RASAL1: variants seen among roughly 807,000 people sequenced by gnomAD.
The protein encoded by RASAL1 is rasGAP-activating-like protein 1.
In RASAL1, 72 loss-of-function variants were observed where a neutral mutation model predicts 96.6. That is an observed-to-expected ratio of 0.75 (90% CI 0.62 to 0.91). The LOEUF is 0.91. RASAL1 is among the 40% of genes least tolerant of loss of function. The pLI, the probability that RASAL1 is intolerant of heterozygous loss-of-function variation, is 0.00. For missense variants in RASAL1, 1,016 were observed against 1,072.5 expected (o/e 0.95, Z 0.74); for synonymous variants, 405 against 430.4 (o/e 0.94, Z 0.73).
chr12:113,129,604 G>A lies in RASAL1; in HGVS notation c.122+1281C>T, dbSNP rs867457798. On this transcript the variant is annotated intron_variant, in intron 2 of 20. Coordinates refer to ENST00000548055, the MANE Select transcript of RASAL1 (RefSeq NM_001301202.2). This position sits in a 1 kb window ranked among gnomAD's most constrained non-coding sequence, Gnocchi z 5.0. Reference sequence around the variant, plus strand: ...AGCAGAGAACAGATTCTACTTGCCCGGTAAAGACACACCCACATTTGTGGA... The same window carrying A: ...AGCAGAGAACAGATTCTACTTGCCCAGTAAAGACACACCCACATTTGTGGA... 6.6e-6 allele frequency among the ~76,000 whole-genome samples: 1 copy of A among 152,168 alleles called. No homozygotes were observed. Among genetic ancestry groups the A allele is most frequent in the African/African-American group, 2.4e-5 (1 of 41,432 alleles).
Position 113,099,838 on chromosome 12 carries a change from G to T in RASAL1, c.*91C>A, listed in dbSNP as rs1950377262. The T allele has an allele frequency of 6.6e-7, 1 of 1,509,216 alleles. No individual in the cohort carries two copies. The highest frequency in any genetic ancestry group is 8.9e-7 in the Non-Finnish European group (1 of 1,120,364). 93.5% of individuals were successfully genotyped at this position (1,509,216 alleles called of 1,614,324 possible). On this transcript the variant is annotated 3_prime_UTR_variant, in exon 21 of 21. Transcript: ENST00000548055. ...GCCTCCAAACCACAGAATCAAAGAG[G>T]TCCAAGGAGACAGGAGACTCCCGGG...
intron 5 of RASAL1, 82 bp downstream of exon 5, chr12:113,121,427 A>C: frequency 6.3e-7 from 1 of 1,581,086 alleles, no homozygotes; most frequent in African/African-American, 1.3e-5. Context: ...AGGAGGTCCC[A>C]AACGCCAGGC....
chr12:113,114,452 T>C lies in RASAL1; in HGVS notation c.1181+348A>G, dbSNP rs547566197. 7.1e-5 allele frequency among the ~76,000 whole-genome samples: 10 copies of C among 141,374 alleles called. 1 individual carries two copies. In the South Asian group the frequency reaches 2.0e-3, roughly 28 times the overall value. The allele number at this position is 141,374 out of a possible 152,430, so 92.7% of individuals were successfully genotyped here. ...TCACACCACTGCACCCCAGCCTGGG[T>C]GACAGAGTAAAACCTTGTCTCAAAA... On this transcript the variant is annotated intron_variant, in intron 12 of 20. Transcript: ENST00000548055.
At chr12:113,134,015 G>A in intron 1 of RASAL1, among the ~76,000 whole-genome samples, 1 of 152,186 alleles carries the variant, frequency 6.6e-6, no homozygotes, top group East Asian at 1.9e-4. Context: ...CAGTGAGTGA[G>A]AACCCCGTTT....
At chr12:113,119,078 C>A (rs1377820572) in intron 7 of RASAL1, 50 bp downstream of exon 7, 3 of 1,536,830 alleles carry the variant, frequency 2.0e-6, no homozygotes, top group Non-Finnish European at 2.6e-6. Context: ...TTTCTTCCCC[C>A]TTGGAGGCAC....
intron 18 of RASAL1, chr12:113,103,206 ATT>A (rs1485740693): frequency 1.3e-5 from 2 of 149,094 alleles, no homozygotes; most frequent in African/African-American, 4.9e-5. Flanking sequence ...TTTTATATAT[ATT>A]ATATATTATT....
intron 20 of RASAL1, among the ~76,000 whole-genome samples, chr12:113,100,310 G>A (rs1256927870): frequency 6.6e-6 from 1 of 151,980 alleles, no homozygotes; most frequent in African/African-American, 2.4e-5. Context: ...TTCTTTTTTT[G>A]GGGGTGGAGG....
At chr12:113,110,968 C>T (rs1383936130) in intron 13 of RASAL1, among the ~76,000 whole-genome samples, 1 of 152,210 alleles carries the variant, frequency 6.6e-6, no homozygotes, top group Non-Finnish European at 1.5e-5. Flanking sequence ...TCCAGAATCT[C>T]TAAAGATCTG....
At position 113,115,805 on chromosome 12, in the gene RASAL1, G is replaced by C. The variant is rs768537738; in HGVS notation, c.850-17C>G. 14 of 1,613,574 alleles carry C rather than the reference G, an allele frequency of 8.7e-6. No individual in the cohort carries two copies. The highest frequency in any genetic ancestry group is 1.2e-5 in the Non-Finnish European group (14 of 1,179,690). On this transcript the variant is annotated splice_polypyrimidine_tract_variant and intron_variant, in intron 9 of 20. Transcript: ENST00000548055. This position sits in a 1 kb window ranked among gnomAD's most constrained non-coding sequence, Gnocchi z 4.1. ...AGTGTCCTCCTGGGTGGGGGCGGGAGACAAAGATGACCTCGGCCCCTGGGA... is the reference window on the plus strand; with the variant it reads ...AGTGTCCTCCTGGGTGGGGGCGGGACACAAAGATGACCTCGGCCCCTGGGA...
At chr12:113,111,940 C>A in intron 13 of RASAL1, 146 bp downstream of exon 13, 1 of 693,762 alleles carries the variant, frequency 1.4e-6, no homozygotes, top group Non-Finnish European at 2.0e-6. Context: ...CCGGACCCTG[C>A]CAGGAACGCT....
At chr12:113,110,537 G>T (rs996364238) in intron 13 of RASAL1, among the ~76,000 whole-genome samples, 3 of 152,196 alleles carry the variant, frequency 2.0e-5, no homozygotes, top group African/African-American at 7.2e-5. Context: ...TCCCAAACTG[G>T]CCAGTCCAAC....
chr12:113,110,456 A>G (rs1308320745), intron 13 of RASAL1, among the ~76,000 whole-genome samples: 1 of 152,192 alleles, frequency 6.6e-6, no homozygotes, highest in Non-Finnish European at 1.5e-5. Flanking sequence ...AGTTCATCTC[A>G]CCTGATGTTA....
At chr12:113,103,877 G>T in intron 18 of RASAL1, 69 bp downstream of exon 18, 1 of 1,538,036 alleles carries the variant, frequency 6.5e-7, no homozygotes, top group East Asian at 2.4e-5. Context: ...GCCAGCCCAG[G>T]CGGAAGTGGG....
At chr12:113,126,608 G>C (rs1245322532) in intron 4 of RASAL1, among the ~76,000 whole-genome samples, 1 of 151,702 alleles carries the variant, frequency 6.6e-6, no homozygotes, top group Non-Finnish European at 1.5e-5. Context: ...CTTGAGCCAG[G>C]GAGGTTGAGA....
At chr12:113,128,364 GC>G (rs1951575740) in intron 2 of RASAL1, among the ~76,000 whole-genome samples, 186 bp from the exon 3 acceptor site, 1 of 148,832 alleles carries the variant, frequency 6.7e-6, no homozygotes, top group African/African-American at 2.5e-5. Context: ...CCCAAGGACA[GC>G]CACTCCAAGA....
intron 17 of RASAL1, 33 bp downstream of exon 17, chr12:113,104,128 C>A (rs757814474): frequency 1.3e-6 from 2 of 1,588,746 alleles, no homozygotes; most frequent in South Asian, 2.2e-5. Context: ...AACAGAGGGA[C>A]GCCCCCCGCT....
At position 113,129,488 on chromosome 12, in the gene RASAL1, G is replaced by C. The variant is rs1000518851; in HGVS notation, c.123-1310C>G. 5.3e-5 allele frequency among the ~76,000 whole-genome samples: 8 copies of C among 152,088 alleles called. No homozygotes were observed. Among genetic ancestry groups the C allele is most frequent in the African/African-American group, 1.9e-4 (8 of 41,406 alleles). On this transcript the variant is annotated intron_variant, in intron 2 of 20. Coordinates refer to ENST00000548055, the MANE Select transcript of RASAL1 (RefSeq NM_001301202.2). The surrounding 1 kb of genome is among the most constrained non-coding windows in gnomAD (Gnocchi z 5.0). ...ACACAGTGAGCAGGAGGAAGGCACA[G>C]GAAGGATGGGGACCAAGATAAGCCC...
Position 113,135,695 on chromosome 12 carries a change from A to G in RASAL1, c.-233T>C. 3.5e-6 allele frequency: 1 copy of G among 285,746 alleles called. No homozygotes were observed. Among genetic ancestry groups the G allele is most frequent in the Non-Finnish European group, 6.7e-6 (1 of 149,010 alleles). 17.7% of individuals were successfully genotyped at this position (285,746 alleles called of 1,614,324 possible). On this transcript the variant is annotated 5_prime_UTR_variant, in exon 1 of 21. Transcript: ENST00000548055. This position sits in a 1 kb window ranked among gnomAD's most constrained non-coding sequence, Gnocchi z 5.7. ...AGGTAGGAGCCGTGCTCCGAGCAGG[A>G]GGAGCGCGCAGGGGGCGCAGCGGGC...
rs768146867 is a variant in RASAL1, at chr12:113,121,493, T to G, written c.428+16A>C. 6.2e-7 allele frequency: 1 copy of G among 1,613,856 alleles called. No homozygotes were observed. Among genetic ancestry groups the G allele is most frequent in the Non-Finnish European group, 8.5e-7 (1 of 1,179,856 alleles). ...TTCTCAGACCACCCTCCACACCACC[T>G]CCACCTTAAGCATACCTGGCCTGAA... On this transcript the variant is annotated intron_variant, in intron 5 of 20. Transcript: ENST00000548055.
Sources: allele counts gnomAD v4.1 joint callset (sites outside exome capture counted in the v4.1 genomes callset), GRCh38; gene constraint gnomAD v4.1.1; non-coding constraint Gnocchi (gnomAD v3.1); transcripts MANE v1.5; gene names NCBI Gene and HGNC (gene_info 2026-07-23, HGNC 2026-07-21).